GPR107: variants seen among roughly 807,000 people sequenced by gnomAD.
GPR107 encodes the protein G protein-coupled receptor 107, also known as protein GPR107.
GPR107 carries 31 observed loss-of-function variants against 75.5 expected under a neutral mutation model. That is an observed-to-expected ratio of 0.41 (90% CI 0.31 to 0.55). The LOEUF is 0.55. GPR107 is among the 20% of genes least tolerant of loss of function. The pLI is 0.26. For missense variants in GPR107, 572 were observed against 665.7 expected (o/e 0.86, Z 1.55); for synonymous variants, 267 against 251.3 (o/e 1.06, Z -0.59).
chr9:130,089,370 G>A (rs915684480), intron 7 of GPR107, among the ~76,000 whole-genome samples: 4 of 152,178 alleles, frequency 2.6e-5, no homozygotes, highest in African/African-American at 9.7e-5. Flanking sequence ...TGCATGGGTA[G>A]CTTGCGTTTC....
chr9:130,133,540 C>T lies in GPR107; in HGVS notation c.1563-1485C>T, dbSNP rs763941382. ...TTCTCTGGCTCATGCAAAGGCCCTA[C>T]CTCCTGCATCCCCGTCTAGAGAAGG... is the stretch of plus-strand genomic sequence containing the variant. On this transcript the variant is annotated intron_variant, in intron 17 of 17. Coordinates refer to ENST00000347136, the MANE Select transcript of GPR107 (RefSeq NM_020960.5). Among the ~76,000 whole-genome samples the T allele has an allele frequency of 7.4e-4, 113 of 152,316 alleles. 1 individual carries two copies. The highest frequency in any genetic ancestry group is 5.4e-4 in the Non-Finnish European group (37 of 68,020).
rs1554900455 is a variant in GPR107 at position 130,139,270 on chromosome 9, A to C, written c.*4149A>C. On this transcript the variant is annotated 3_prime_UTR_variant, in exon 18 of 18. Transcript: ENST00000347136. ...AAAGATATTCATCCAGAAAGTACCA[A>C]ATGTTCTGAAAGACCCGCTCTTCAC... 1 of 152,140 alleles carries C rather than the reference A, an allele frequency of 6.6e-6. No homozygotes were observed. Among genetic ancestry groups the C allele is most frequent in the Non-Finnish European group, 1.5e-5 (1 of 68,034 alleles). The allele number at this position is 152,140 out of a possible 1,614,324, so 9.4% of individuals were successfully genotyped here. A position where few individuals can be genotyped will look rare whatever the true frequency, so the allele number is the denominator to read the frequency against.
At chr9:130,092,723 C>A (rs901136389) in intron 9 of GPR107, among the ~76,000 whole-genome samples, 2 of 151,916 alleles carry the variant, frequency 1.3e-5, no homozygotes, top group East Asian at 1.9e-4. Flanking sequence ...TCATGCCAGT[C>A]TTCCACCTAA....
intron 14 of GPR107, among the ~76,000 whole-genome samples, chr9:130,124,562 A>C (rs1317940875): frequency 6.6e-6 from 1 of 152,160 alleles, no homozygotes; most frequent in Non-Finnish European, 1.5e-5. Context: ...GAAATGTTTA[A>C]TGCTGGCTCT....
At chr9:130,108,673 G>A in intron 14 of GPR107, 1 of 454,424 alleles carries the variant, frequency 2.2e-6, no homozygotes, top group Non-Finnish European at 4.4e-6. Flanking sequence ...AGCCTCCCAA[G>A]GCCCACTCAG....
intron 1 of GPR107, among the ~76,000 whole-genome samples, chr9:130,068,464 A>G (rs1449634922): frequency 6.6e-6 from 1 of 151,826 alleles, no homozygotes; most frequent in Admixed American, 6.6e-5. Context: ...TGTGTTAGCC[A>G]TGTATAACAT....
At chr9:130,091,384 G>T (rs1327935655) in intron 8 of GPR107, among the ~76,000 whole-genome samples, 1 of 152,050 alleles carries the variant, frequency 6.6e-6, no homozygotes, top group Non-Finnish European at 1.5e-5. Flanking sequence ...CGGCTACTCA[G>T]GTGGGAGGAT....
chr9:130,086,352 T>C (rs1830615057), intron 6 of GPR107, 68 bp from the exon 7 acceptor site: 7 of 748,330 alleles, frequency 9.4e-6, no homozygotes, highest in Non-Finnish European at 1.6e-5. Flanking sequence ...TTTTGTTTAA[T>C]AAATTACTTT....
intron 14 of GPR107, among the ~76,000 whole-genome samples, chr9:130,123,861 G>A (rs932294937): frequency 1.3e-5 from 2 of 152,102 alleles, no homozygotes; most frequent in South Asian, 2.1e-4. Context: ...AAGCTGCTGC[G>A]ATTTTGCAGA....
chr9:130,100,757 G>A (rs1461607230), intron 11 of GPR107, 55 bp downstream of exon 11: 4 of 1,287,448 alleles, frequency 3.1e-6, no homozygotes, highest in Non-Finnish European at 4.5e-6. Context: ...AAGACAAGGG[G>A]GGTGGGCAAC....
At chr9:130,075,162 G>T (rs1467611325) in intron 1 of GPR107, among the ~76,000 whole-genome samples, 6 of 151,774 alleles carry the variant, frequency 4.0e-5, no homozygotes, top group African/African-American at 1.5e-4. Context: ...CCACAGCTGT[G>T]TATGTTACTG....
chr9:130,120,818 G>A (rs1831528807), intron 14 of GPR107: 1 of 152,292 alleles, frequency 6.6e-6, no homozygotes, highest in Non-Finnish European at 1.5e-5. Context: ...CTGGTTCGAA[G>A]GTGGCTGTGA....
intron 1 of GPR107, among the ~76,000 whole-genome samples, chr9:130,065,638 G>A (rs1021584847): frequency 6.6e-6 from 1 of 150,796 alleles, no homozygotes; most frequent in Admixed American, 6.6e-5. Context: ...GTGGTGGCAG[G>A]TGTCTCTAGT....
chr9:130,083,043 C>T (rs1830530927), intron 5 of GPR107, among the ~76,000 whole-genome samples: 1 of 152,088 alleles, frequency 6.6e-6, no homozygotes, highest in Non-Finnish European at 1.5e-5. Flanking sequence ...GTGTCAGCCT[C>T]CCGAGTAGCT....
At chr9:130,065,000 G>T (rs894188583) in intron 1 of GPR107, among the ~76,000 whole-genome samples, 20 of 152,112 alleles carry the variant, frequency 1.3e-4, no homozygotes, top group Non-Finnish European at 2.8e-4. Flanking sequence ...AAACTTCTGT[G>T]GTTGTAAGCT....
In GPR107 at chr9:130,133,554, G is replaced by A. The variant is rs189179796; in HGVS notation, c.1563-1471G>A. On this transcript the variant is annotated intron_variant, in intron 17 of 17. Coordinates refer to ENST00000347136, the MANE Select transcript of GPR107 (RefSeq NM_020960.5). ...CAAAGGCCCTACCTCCTGCATCCCC[G>A]TCTAGAGAAGGTCCCTTCAGGAGCA... Among the ~76,000 whole-genome samples the A allele has an allele frequency of 1.1e-3, 167 of 152,268 alleles. 1 individual carries two copies. Among genetic ancestry groups the A allele is most frequent in the South Asian group, 8.1e-3 (39 of 4,828 alleles).
chr9:130,090,487 CA>C (rs1830706277), intron 7 of GPR107, among the ~76,000 whole-genome samples: 1 of 1,324 alleles, frequency 7.6e-4, no homozygotes, highest in African/African-American at 9.3e-4. Flanking sequence ...TGAAGACTTC[CA>C]CAAAGCCATC....
intron 1 of GPR107, among the ~76,000 whole-genome samples, chr9:130,060,402 G>GTTTTTT (rs11403227): frequency 1.3e-5 from 1 of 75,894 alleles, no homozygotes; most frequent in African/African-American, 6.0e-5. Context: ...GATAATCCGA[G>GTTTTTT]TTTTTTTTTT....
chr9:130,075,488 C>T (rs1589491458), intron 1 of GPR107, 148 bp from the exon 2 acceptor site: 2 of 518,820 alleles, frequency 3.9e-6, no homozygotes, highest in South Asian at 2.2e-5. Context: ...TCAGGTGATC[C>T]ACCCGCCTCA....
Sources: allele counts gnomAD v4.1 joint callset (sites outside exome capture counted in the v4.1 genomes callset), GRCh38; gene constraint gnomAD v4.1.1; transcripts MANE v1.5; gene names NCBI Gene and HGNC (gene_info 2026-07-23, HGNC 2026-07-21).